Variants in AP1M1 observed in about 807,000 individuals in gnomAD.
AP1M1 encodes adaptor related protein complex 1 subunit mu 1.
In AP1M1, 18 loss-of-function variants were observed where a neutral mutation model predicts 57.1. The ratio of observed to expected loss-of-function variants is 0.32; its 90% CI spans 0.22 to 0.47. The LOEUF (loss-of-function observed/expected upper bound fraction) is 0.47, where lower values mean the gene tolerates loss of function less well. Ranked by LOEUF, AP1M1 falls within the 20% of genes least tolerant of loss-of-function variation. The pLI is 1.00. For missense variants in AP1M1, 362 were observed against 593.5 expected (o/e 0.61, Z 4.05); for synonymous variants, 241 against 237.9 (o/e 1.01, Z -0.12).
rs1342749214 is a variant in AP1M1, at chr19:16,234,678, C to T, written c.*243C>T. 3 of 593,364 alleles carry T rather than the reference C, an allele frequency of 5.1e-6. No homozygotes were observed. Among genetic ancestry groups the T allele is most frequent in the Non-Finnish European group, 9.0e-6 (3 of 333,212 alleles). 36.8% of individuals were successfully genotyped at this position (593,364 alleles called of 1,614,324 possible). A position where few individuals can be genotyped will look rare whatever the true frequency, so the allele number is the denominator to read the frequency against. ...GTTTCTTTGCCCCTGAAGTCAGTTT[C>T]AGGGGAAGGATGTGAAATTTTTCCG... is the stretch of plus-strand genomic sequence containing the variant. On this transcript the variant is annotated 3_prime_UTR_variant, in exon 12 of 12. Transcript: ENST00000291439.
chr19:16,203,624 T>C lies in AP1M1; in HGVS notation c.199+9T>C. On this transcript the variant is annotated intron_variant, in intron 2 of 11. Coordinates refer to ENST00000291439, the MANE Select transcript of AP1M1 (RefSeq NM_032493.4). This position sits in a 1 kb window ranked among gnomAD's most constrained non-coding sequence, Gnocchi z 4.6. ...ACACAACAACCTGTATCGTATCCCTTTGCTGGGGGTGCTCCCAGGGGACTC... is the reference window on the plus strand; with the variant it reads ...ACACAACAACCTGTATCGTATCCCTCTGCTGGGGGTGCTCCCAGGGGACTC... The C allele has an allele frequency of 1.3e-6, 2 of 1,594,798 alleles. No individual in the cohort carries two copies. The highest frequency in any genetic ancestry group is 1.7e-6 in the Non-Finnish European group (2 of 1,168,460).
chr19:16,212,147 G>GT (rs959070019), intron 5 of AP1M1, among the ~76,000 whole-genome samples: 2 of 151,938 alleles, frequency 1.3e-5, no homozygotes, highest in Admixed American at 1.3e-4. Context: ...CTCCTCCTCC[G>GT]TTTTTTTGGA....
chr19:16,226,387 G>T (rs948520653), intron 5 of AP1M1, 34 bp from the exon 6 acceptor site: 2 of 1,510,610 alleles, frequency 1.3e-6, no homozygotes, highest in African/African-American at 2.7e-5. Flanking sequence ...GGTGAGTTGG[G>T]GACCTCCCCT....
chr19:16,234,329 GC>G, intron 11 of AP1M1, 55 bp downstream of exon 11: 6 of 1,611,140 alleles, frequency 3.7e-6, no homozygotes, highest in Non-Finnish European at 5.1e-6. Flanking sequence ...CTCTGTGGCT[GC>G]CCCCAGGGTG....
rs766290016 is a variant in AP1M1 at position 16,197,981 on chromosome 19, C to G, written c.-46C>G. On this transcript the variant is annotated 5_prime_UTR_variant, in exon 1 of 12. Coordinates refer to ENST00000291439, the MANE Select transcript of AP1M1 (RefSeq NM_032493.4). ...CGCCCAGCAGTCCCCACCGTCGCTG[C>G]CGCCGCCACCGCCCTCGGCCGCTGC... 125 of 1,528,736 alleles carry G rather than the reference C, an allele frequency of 8.2e-5. No individual in the cohort carries two copies. Among genetic ancestry groups the G allele is most frequent in the Non-Finnish European group, 1.1e-4 (121 of 1,137,362 alleles). The allele number at this position is 1,528,736 out of a possible 1,614,324, so 94.7% of individuals were successfully genotyped here. A position where few individuals can be genotyped will look rare whatever the true frequency, so the allele number is the denominator to read the frequency against.
intron 1 of AP1M1, among the ~76,000 whole-genome samples, chr19:16,201,877 G>A (rs930119265): frequency 2.6e-5 from 4 of 152,206 alleles, no homozygotes; most frequent in Non-Finnish European, 5.9e-5. Flanking sequence ...GGGGCTGTGA[G>A]GAGCCAGACC....
In AP1M1 at chr19:16,233,542, A is replaced by C; in HGVS notation, c.1097A>C (p.Glu366Ala). The C allele has an allele frequency of 6.2e-7, 1 of 1,607,598 alleles. No individual in the cohort carries two copies. The highest frequency in any genetic ancestry group is 8.5e-7 in the Non-Finnish European group (1 of 1,177,384). ...MRAHFGLPSV[E>A]AEDKEGKPPI... is the part of the protein sequence containing the mutation. ...GCCCACTTCGGCCTGCCTAGTGTGG[A>C]GGCCGAAGACAAGGAGGGCAAGCCC... Residue 366 changes from glutamate (E) to alanine (A), a missense_variant, in exon 10 of 12, where the codon GAG (glutamate) becomes GCG (alanine). By Grantham distance (107) the Glu-to-Ala change is moderately radical. Around this residue, in one of 2 missense-constraint regions of AP1M1, gnomAD observed 25 missense variants for 82.4 expected, o/e 0.30. Transcript: ENST00000291439.
intron 5 of AP1M1, among the ~76,000 whole-genome samples, chr19:16,217,753 C>T (rs59222226): frequency 0.075 from 11,355 of 152,168 alleles, 683 homozygotes; most frequent in East Asian, 0.27. Flanking sequence ...CCTATGAGAG[C>T]AAGTCAAGCC....
In AP1M1 at chr19:16,242,524, A is replaced by T. The variant is rs955082863; in HGVS notation, c.*8089A>T. On this transcript the variant is annotated 3_prime_UTR_variant, in exon 12 of 12. Coordinates refer to ENST00000291439, the MANE Select transcript of AP1M1 (RefSeq NM_032493.4). ...AATGAAGCAAAGCTGCTAGTTGAAG[A>T]TGTTGTCGGATTGAACTGAAATACA... 1 of 152,236 alleles carries T rather than the reference A, an allele frequency of 6.6e-6. No individual in the cohort carries two copies. The highest frequency in any genetic ancestry group is 2.4e-5 in the African/African-American group (1 of 41,456). 9.4% of individuals were successfully genotyped at this position (152,236 alleles called of 1,614,324 possible).
chr19:16,217,784 T>C (rs928805358), intron 5 of AP1M1, among the ~76,000 whole-genome samples: 5 of 152,154 alleles, frequency 3.3e-5, no homozygotes, highest in African/African-American at 1.2e-4. Flanking sequence ...GTGTCCTGGC[T>C]GTGCTCCACC....
At chr19:16,210,326 G>T (rs1213069368) in intron 5 of AP1M1, 1 of 714,764 alleles carries the variant, frequency 1.4e-6, no homozygotes, top group Non-Finnish European at 2.6e-6. Context: ...TCGTGTCCAG[G>T]TTTATGTGTG....
At chr19:16,198,215 A>G in intron 1 of AP1M1, 147 bp downstream of exon 1, 1 of 762,252 alleles carries the variant, frequency 1.3e-6, no homozygotes, top group South Asian at 2.1e-5. Context: ...TGAGAGCCCC[A>G]TCCTGTTTCT....
intron 5 of AP1M1, among the ~76,000 whole-genome samples, chr19:16,222,361 C>T (rs1365602049): frequency 6.6e-6 from 1 of 151,734 alleles, no homozygotes; most frequent in Non-Finnish European, 1.5e-5. Flanking sequence ...GTGTGCACCA[C>T]CAAGCCTGGC....
At position 16,216,947 on chromosome 19, in the gene AP1M1, C is replaced by T. The variant is rs1008826357; in HGVS notation, c.546+7770C>T. Among the ~76,000 whole-genome samples, 6 of 151,902 alleles carry T rather than the reference C, an allele frequency of 3.9e-5. 1 individual carries two copies. The highest frequency in any genetic ancestry group is 2.1e-4 in the South Asian group (1 of 4,812). On this transcript the variant is annotated intron_variant, in intron 5 of 11. Transcript: ENST00000291439. Reference sequence around the variant, plus strand: ...GCAGCACAGCGGGGTGCACGCTTATCGGCTGTGACAGAGTGCTAGTGGATG... The same window carrying T: ...GCAGCACAGCGGGGTGCACGCTTATTGGCTGTGACAGAGTGCTAGTGGATG...
At chr19:16,204,546 G>C (rs930647034) in intron 2 of AP1M1, among the ~76,000 whole-genome samples, 2 of 152,192 alleles carry the variant, frequency 1.3e-5, no homozygotes, top group African/African-American at 4.8e-5. Flanking sequence ...GCAGGCATGG[G>C]CTCTGTGCCC....
chr19:16,234,140 A>G, intron 10 of AP1M1, 59 bp from the exon 11 acceptor site: 1 of 1,534,472 alleles, frequency 6.5e-7, no homozygotes. Context: ...GGAAAGATTA[A>G]GGGGGGACCA....
Position 16,228,654 on chromosome 19 carries a change from C to A in AP1M1, c.889-116C>A. ...GTGGGTAGTGCCTGGAGAAGTGGGGCCAGGGGCGGGGCTAGGGAGGATCCC... is the reference window on the plus strand; with the variant it reads ...GTGGGTAGTGCCTGGAGAAGTGGGGACAGGGGCGGGGCTAGGGAGGATCCC... On this transcript the variant is annotated intron_variant, in intron 8 of 11. Transcript: ENST00000291439. This position sits in a 1 kb window ranked among gnomAD's most constrained non-coding sequence, Gnocchi z 5.0. 7 of 1,171,800 alleles carry A rather than the reference C, an allele frequency of 6.0e-6. No homozygotes were observed. The highest frequency in any genetic ancestry group is 8.5e-6 in the Non-Finnish European group (7 of 825,006). The allele number at this position is 1,171,800 out of a possible 1,614,324, so 72.6% of individuals were successfully genotyped here.
chr19:16,227,544 C>A lies in AP1M1; in HGVS notation c.674-4C>A. 2 of 1,613,692 alleles carry A rather than the reference C, an allele frequency of 1.2e-6. No homozygotes were observed. Among genetic ancestry groups the A allele is most frequent in the Non-Finnish European group, 1.7e-6 (2 of 1,179,692 alleles). ...ATCTGTCCTACCCTCACCCCTGACC[C>A]CAGGCGGCAAAAGCAAATCCGTGGA... On this transcript the variant is annotated splice_region_variant and splice_polypyrimidine_tract_variant and intron_variant, in intron 6 of 11. Coordinates refer to ENST00000291439, the MANE Select transcript of AP1M1 (RefSeq NM_032493.4). The surrounding 1 kb of genome is among the most constrained non-coding windows in gnomAD (Gnocchi z 6.2).
chr19:16,223,362 A>T (rs1437239015), intron 5 of AP1M1, among the ~76,000 whole-genome samples: 1 of 152,216 alleles, frequency 6.6e-6, no homozygotes, highest in Non-Finnish European at 1.5e-5. Context: ...AGAGTTCTGG[A>T]GACATAAACC....
Sources: allele counts gnomAD v4.1 joint callset (sites outside exome capture counted in the v4.1 genomes callset), GRCh38; gene constraint gnomAD v4.1.1; regional missense constraint gnomAD v4.1.1; non-coding constraint Gnocchi (gnomAD v3.1); transcripts MANE v1.5; gene names NCBI Gene and HGNC (gene_info 2026-07-23, HGNC 2026-07-21).